The following STAG1 variants were observed in gnomAD, a reference collection of about 807,000 sequenced individuals.
STAG1 encodes STAG1 cohesin complex component.
In STAG1, 26 loss-of-function variants were observed where a neutral mutation model predicts 170.9. The observed-to-expected ratio is 0.15, with a 90% CI of 0.11 to 0.21. The LOEUF (loss-of-function observed/expected upper bound fraction) is 0.21. Among genes scored for constraint, STAG1 ranks in the 10% least tolerant of loss-of-function variants. The probability of loss-of-function intolerance (pLI) is 1.00; values close to 1 mark genes in which losing one functional copy is unlikely to be tolerated. For synonymous variants in STAG1, 514 were observed against 497.7 expected (o/e 1.03, Z -0.44); for missense variants, 964 against 1,509.5 (o/e 0.64, Z 5.99).
chr3:136,682,519 C>T (rs1942372855), intron 1 of STAG1, among the ~76,000 whole-genome samples: 1 of 151,022 alleles, frequency 6.6e-6, no homozygotes, highest in Non-Finnish European at 1.5e-5. Flanking sequence ...GAAAAAAACA[C>T]TTTTTATAAC....
chr3:136,564,963 G>GAGGA (rs546552313), intron 5 of STAG1, among the ~76,000 whole-genome samples: 2,894 of 37,792 alleles, frequency 0.077, 377 homozygotes, highest in East Asian at 0.11. Flanking sequence ...ACATGTGTAT[G>GAGGA]AGGAAGGAAG....
intron 8 of STAG1, among the ~76,000 whole-genome samples, chr3:136,501,778 G>A (rs553299216): frequency 3.3e-5 from 5 of 152,178 alleles, no homozygotes; most frequent in South Asian, 2.1e-4. Flanking sequence ...TTATTCATAC[G>A]TAATTCCTTT....
chr3:136,593,462 C>T (rs146286095), intron 4 of STAG1, among the ~76,000 whole-genome samples: 43 of 152,310 alleles, frequency 2.8e-4, no homozygotes, highest in African/African-American at 9.9e-4. Flanking sequence ...CATTGTGCTG[C>T]CTTAGCAGCT....
At chr3:136,529,451 T>C (rs1384773742) in intron 6 of STAG1, among the ~76,000 whole-genome samples, 1 of 152,098 alleles carries the variant, frequency 6.6e-6, no homozygotes, top group East Asian at 1.9e-4. Context: ...GCAGAAACCT[T>C]ATAGGACCAG....
chr3:136,559,477 T>A (rs945161653), intron 5 of STAG1, among the ~76,000 whole-genome samples: 2 of 152,148 alleles, frequency 1.3e-5, no homozygotes, highest in Non-Finnish European at 2.9e-5. Flanking sequence ...CTTGAGAAAC[T>A]GCAGTCAGAG....
intron 26 of STAG1, among the ~76,000 whole-genome samples, chr3:136,361,070 TCAAAGAA>T (rs1278544019): frequency 6.6e-6 from 1 of 152,232 alleles, no homozygotes; most frequent in African/African-American, 2.4e-5. Flanking sequence ...TGTGAAAAAT[TCAAAGAA>T]TATCAAAGTA....
intron 1 of STAG1, among the ~76,000 whole-genome samples, chr3:136,647,821 AT>A (rs1273258882): frequency 6.6e-6 from 1 of 152,042 alleles, no homozygotes; most frequent in Non-Finnish European, 1.5e-5. Context: ...CTACCTTCTC[AT>A]TTTTCATTCC....
intron 4 of STAG1, among the ~76,000 whole-genome samples, chr3:136,597,936 G>A (rs763212800): frequency 2.6e-5 from 4 of 152,032 alleles, no homozygotes; most frequent in African/African-American, 4.8e-5. Flanking sequence ...ACCTTTACAA[G>A]CTAAGGAAGT....
chr3:136,718,041 T>C (rs1482321804), intron 1 of STAG1, among the ~76,000 whole-genome samples: 2 of 152,176 alleles, frequency 1.3e-5, no homozygotes, highest in Non-Finnish European at 2.9e-5. Context: ...TTAAAACATA[T>C]ACACACACAG....
chr3:136,729,597 C>T (rs1576822252), intron 1 of STAG1, among the ~76,000 whole-genome samples: 1 of 108,792 alleles, frequency 9.2e-6, no homozygotes, highest in Non-Finnish European at 1.7e-5. Flanking sequence ...TTTTTTGAGA[C>T]AGAGCTGTGC....
At chr3:136,540,846 A>AAAAAAAAAAAAAAAAAAAC (rs1935859746) in intron 6 of STAG1, among the ~76,000 whole-genome samples, 1 of 143,952 alleles carries the variant, frequency 6.9e-6, no homozygotes, top group Non-Finnish European at 1.5e-5. Context: ...AAAAAAAAAA[A>AAAAAAAAAAAAAAAAAAAC]AAAAAACCTA....
At chr3:136,550,035 G>A (rs1288723228) in intron 5 of STAG1, among the ~76,000 whole-genome samples, 2 of 152,004 alleles carry the variant, frequency 1.3e-5, no homozygotes, top group African/African-American at 4.8e-5. Flanking sequence ...CTTTTGTTTA[G>A]GACTTTTTGC....
chr3:136,707,370 G>C (rs1032706956), intron 1 of STAG1, among the ~76,000 whole-genome samples: 3 of 152,064 alleles, frequency 2.0e-5, no homozygotes, highest in Non-Finnish European at 2.9e-5. Context: ...TTTACAAATG[G>C]GCAAAGGACT....
At chr3:136,391,381 T>C (rs1466235528) in intron 22 of STAG1, among the ~76,000 whole-genome samples, 1 of 148,798 alleles carries the variant, frequency 6.7e-6, no homozygotes, top group Admixed American at 6.7e-5. Context: ...TTTTTTTTTT[T>C]TTTTTTCTTT....
intron 4 of STAG1, among the ~76,000 whole-genome samples, chr3:136,598,421 C>G (rs1350795674): frequency 2.0e-5 from 3 of 151,136 alleles, no homozygotes; most frequent in Non-Finnish European, 2.9e-5. Context: ...TTTAATACAA[C>G]CTTTTTTTTT....
intron 4 of STAG1, among the ~76,000 whole-genome samples, chr3:136,574,943 AAAT>A (rs1286078374): frequency 6.6e-6 from 1 of 152,230 alleles, no homozygotes; most frequent in East Asian, 1.9e-4. Flanking sequence ...TTAAACACTG[AAAT>A]AATACAGAGC....
At chr3:136,413,583 C>T (rs777840054) in intron 21 of STAG1, among the ~76,000 whole-genome samples, 4 of 151,900 alleles carry the variant, frequency 2.6e-5, no homozygotes, top group South Asian at 4.1e-4. Context: ...CTCAGCCTCC[C>T]GAGTAGTTGA....
Position 136,424,012 on chromosome 3 carries a change from T to A in STAG1, c.1651-968A>T, listed in dbSNP as rs961424784. 3.9e-5 allele frequency among the ~76,000 whole-genome samples: 6 copies of A among 151,922 alleles called. 1 individual carries two copies. The highest frequency in any genetic ancestry group is 2.9e-5 in the Non-Finnish European group (2 of 67,982). On this transcript the variant is annotated intron_variant, in intron 16 of 33. Coordinates refer to ENST00000383202, the MANE Select transcript of STAG1 (RefSeq NM_005862.3). ...CTGAGTAGCTGGGACTATGGGTATG[T>A]CCTACCATGCATGGCTAATTTTTGT...
chr3:136,747,039 T>G, intron 1 of STAG1, among the ~76,000 whole-genome samples: 1 of 137,370 alleles, frequency 7.3e-6, no homozygotes, highest in East Asian at 2.1e-4. Context: ...GAGGTTGCAG[T>G]GAGCCGAGAT....
Sources: allele counts gnomAD v4.1 joint callset (sites outside exome capture counted in the v4.1 genomes callset), GRCh38; gene constraint gnomAD v4.1.1; transcripts MANE v1.5; gene names NCBI Gene and HGNC (gene_info 2026-07-23, HGNC 2026-07-21).